Variants in MKLN1 observed in about 807,000 individuals in gnomAD.
MKLN1 encodes the protein muskelin.
A neutral mutation model predicts 99.0 loss-of-function variants in MKLN1; 18 were observed. The observed-to-expected ratio is 0.18, with a 90% confidence interval of 0.13 to 0.27. The LOEUF is 0.27. MKLN1 is among the 10% of genes least tolerant of loss of function. The pLI is 1.00. For missense variants in MKLN1, 621 were observed against 875.9 expected (o/e 0.71, Z 3.67); for synonymous variants, 288 against 293.2 (o/e 0.98, Z 0.18).
chr7:131,392,942 C>T (rs546064633), intron 4 of MKLN1, among the ~76,000 whole-genome samples: 49 of 151,114 alleles, frequency 3.2e-4, no homozygotes, highest in African/African-American at 1.1e-3. Context: ...GAGTCTTGCT[C>T]TGTTGCTCAG....
intron 1 of MKLN1, among the ~76,000 whole-genome samples, chr7:131,355,211 C>A (rs183904133): frequency 1.2e-4 from 18 of 152,262 alleles, no homozygotes; most frequent in Non-Finnish European, 2.5e-4. Context: ...TCTCCTTGCT[C>A]TTCTACTCTT....
chr7:131,449,425 G>A (rs1248828332), intron 12 of MKLN1, among the ~76,000 whole-genome samples: 2 of 152,122 alleles, frequency 1.3e-5, no homozygotes, highest in Non-Finnish European at 2.9e-5. Flanking sequence ...CCACTTCTTT[G>A]TCTAGGTGTA....
At chr7:131,159,068 C>G (rs1255217205) in intron 2 of MKLN1, among the ~76,000 whole-genome samples, 2 of 152,138 alleles carry the variant, frequency 1.3e-5, no homozygotes, top group Non-Finnish European at 2.9e-5. Flanking sequence ...TGGTGGCACA[C>G]CTGTAGTCCT....
chr7:131,213,169 A>C (rs1285169626), intron 3 of MKLN1, among the ~76,000 whole-genome samples: 1 of 151,972 alleles, frequency 6.6e-6, no homozygotes, highest in Non-Finnish European at 1.5e-5. Flanking sequence ...AAACAATACA[A>C]AGTATTGTTT....
chr7:131,192,086 T>TG (rs1171192469), intron 2 of MKLN1, among the ~76,000 whole-genome samples: 1 of 81,340 alleles, frequency 1.2e-5, no homozygotes, highest in African/African-American at 4.8e-5. Flanking sequence ...TACATATATA[T>TG]TATATATATA....
At chr7:131,461,744 A>G (rs1584767738) in intron 12 of MKLN1, among the ~76,000 whole-genome samples, 1 of 152,184 alleles carries the variant, frequency 6.6e-6, no homozygotes, top group Non-Finnish European at 1.5e-5. Flanking sequence ...TTCATGGGTA[A>G]AAGAAATGTT....
chr7:131,329,988 A>G (rs1799023619), intron 1 of MKLN1, among the ~76,000 whole-genome samples: 1 of 152,258 alleles, frequency 6.6e-6, no homozygotes, highest in Middle Eastern at 3.2e-3. Context: ...AAAGTAAAGT[A>G]TTAGAAGAGT....
At chr7:131,392,619 T>G (rs424686) in intron 4 of MKLN1, among the ~76,000 whole-genome samples, 8 of 150,740 alleles carry the variant, frequency 5.3e-5, no homozygotes, top group East Asian at 1.9e-4. Context: ...TTTTTTTTTT[T>G]GGGAGGTGGA....
intron 3 of MKLN1, among the ~76,000 whole-genome samples, chr7:131,247,777 A>T (rs1046271883): frequency 6.6e-6 from 1 of 152,200 alleles, no homozygotes; most frequent in Non-Finnish European, 1.5e-5. Context: ...TTCCCATTTG[A>T]ACTGGCAGGG....
chr7:131,475,223 A>G (rs904193493), intron 16 of MKLN1, among the ~76,000 whole-genome samples: 1 of 152,200 alleles, frequency 6.6e-6, no homozygotes, highest in Admixed American at 6.5e-5. Flanking sequence ...GTGGGTATGG[A>G]AAACTTCATT....
Position 131,368,146 on chromosome 7 carries a change from G to A in MKLN1, c.99-7278G>A, listed in dbSNP as rs144154207. On this transcript the variant is annotated intron_variant, in intron 1 of 17. Coordinates refer to ENST00000352689, the MANE Select transcript of MKLN1 (RefSeq NM_013255.5). The stretch of plus-strand genomic sequence containing the variant: ...ATGTTAGCAGTCACTACCCTAAACT[G>A]GATTCTCCTTTGCCTTGCAGGAGAG... 2.7e-4 allele frequency among the ~76,000 whole-genome samples: 41 copies of A among 152,232 alleles called. No homozygotes were observed. The East Asian group carries it at 7.7e-3, about 29-fold the overall frequency.
In MKLN1 at chr7:131,300,142, T is replaced by A. The variant is rs7795521; in HGVS notation, c.-178-75282T>A. On this transcript the variant is annotated intron_variant, in intron 3 of 7. Coordinates refer to the MKLN1 transcript ENST00000416992. ...TGAAGCAGAGAAGAGAGGTGTGTAA[T>A]TGTGGGTAAGGGGGAGAGAATAGAG... Among the ~76,000 whole-genome samples the A allele has an allele frequency of 8.5e-3, 1,290 of 151,880 alleles. 19 individuals carry two copies. The highest frequency in any genetic ancestry group is 0.03 in the African/African-American group (1,250 of 41,424).
chr7:131,239,346 T>A (rs953407628), intron 3 of MKLN1, among the ~76,000 whole-genome samples: 2 of 151,770 alleles, frequency 1.3e-5, no homozygotes, highest in Non-Finnish European at 2.9e-5. Flanking sequence ...AGGGTCTCAC[T>A]CTGTCACCCA....
At chr7:131,149,750 T>C (rs534279125) in intron 2 of MKLN1, among the ~76,000 whole-genome samples, 6 of 152,342 alleles carry the variant, frequency 3.9e-5, no homozygotes, top group African/African-American at 1.4e-4. Flanking sequence ...TTTTCAAACA[T>C]GTAATTTACT....
chr7:131,484,025 A>G (rs1797201940), intron 17 of MKLN1, among the ~76,000 whole-genome samples: 1 of 150,928 alleles, frequency 6.6e-6, no homozygotes, highest in Non-Finnish European at 1.5e-5. Flanking sequence ...TATATAATGT[A>G]AAAACATATT....
At chr7:131,414,147 AAAT>A (rs1184028948) in intron 7 of MKLN1, among the ~76,000 whole-genome samples, 2 of 152,218 alleles carry the variant, frequency 1.3e-5, no homozygotes, top group African/African-American at 4.8e-5. Context: ...AAATTTTACA[AAAT>A]AATTGTATAC....
chr7:131,289,580 T>C (rs1257095587), intron 3 of MKLN1, among the ~76,000 whole-genome samples: 1 of 152,212 alleles, frequency 6.6e-6, no homozygotes, highest in Non-Finnish European at 1.5e-5. Flanking sequence ...CAGCATACTT[T>C]AGTGTTTAAC....
intron 3 of MKLN1, among the ~76,000 whole-genome samples, chr7:131,222,839 A>T (rs1797079773): frequency 6.6e-6 from 1 of 151,276 alleles, no homozygotes; most frequent in Non-Finnish European, 1.5e-5. Flanking sequence ...CAACATGGTA[A>T]AATCCTCTTT....
intron 6 of MKLN1, among the ~76,000 whole-genome samples, chr7:131,400,858 G>A (rs1794522846): frequency 6.6e-6 from 1 of 152,052 alleles, no homozygotes. Flanking sequence ...AGAGAAATTA[G>A]TAGTTGCTCA....
Sources: allele counts gnomAD v4.1 joint callset (sites outside exome capture counted in the v4.1 genomes callset), GRCh38; gene constraint gnomAD v4.1.1; transcripts MANE v1.5; gene names NCBI Gene and HGNC (gene_info 2026-07-23, HGNC 2026-07-21).